The following FBXO42 variants were observed in gnomAD, a reference collection of about 807,000 sequenced individuals.
FBXO42 encodes F-box only protein 42.
In FBXO42, 12 loss-of-function variants were observed where a neutral mutation model predicts 71.7. The observed-to-expected ratio is 0.17, with a 90% CI of 0.11 to 0.27. The LOEUF (loss-of-function observed/expected upper bound fraction) is 0.27. FBXO42 is among the 10% of genes least tolerant of loss of function. The pLI, the probability that FBXO42 is intolerant of heterozygous loss-of-function variation, is 1.00. For missense variants in FBXO42, 707 were observed against 911.9 expected, an observed-to-expected ratio of 0.78 and a Z score of 2.89; for synonymous variants, 325 against 327.5, an observed-to-expected ratio of 0.99 and a Z score of 0.08.
chr1:16,313,715 T>C (rs1324304950), intron 2 of FBXO42, among the ~76,000 whole-genome samples: 1 of 152,164 alleles, frequency 6.6e-6, no homozygotes, highest in African/African-American at 2.4e-5. Flanking sequence ...TTAAAACTGA[T>C]TGATTTTGAT....
chr1:16,276,231 T>C (rs1327417343), intron 4 of FBXO42, among the ~76,000 whole-genome samples: 1 of 151,130 alleles, frequency 6.6e-6, no homozygotes, highest in Admixed American at 6.6e-5. Context: ...ATACAAAAAA[T>C]TAGCCGGGCA....
intron 1 of FBXO42, among the ~76,000 whole-genome samples, chr1:16,339,402 A>T (rs1002956521): frequency 2.6e-5 from 4 of 151,698 alleles, no homozygotes; most frequent in African/African-American, 9.7e-5. Flanking sequence ...AACCTCCGCC[A>T]CCTGGGTTCA....
chr1:16,306,032 T>TC (rs1246406680), intron 2 of FBXO42, 113 bp from the exon 3 acceptor site: 4 of 824,464 alleles, frequency 4.9e-6, no homozygotes, highest in Non-Finnish European at 7.7e-6. Flanking sequence ...CTTTTTTTTT[T>TC]CTTTTTTTGA....
At chr1:16,308,741 T>TG (rs1008452109) in intron 2 of FBXO42, among the ~76,000 whole-genome samples, 2 of 46,418 alleles carry the variant, frequency 4.3e-5, no homozygotes. Flanking sequence ...CCCATCTCTG[T>TG]TTTTTTTTTT....
At chr1:16,302,375 A>AGG (rs2082204244) in intron 3 of FBXO42, among the ~76,000 whole-genome samples, 2 of 152,194 alleles carry the variant, frequency 1.3e-5, no homozygotes, top group Admixed American at 6.6e-5. Flanking sequence ...TAATTTATAA[A>AGG]GGAAAGAGGT....
intron 1 of FBXO42, among the ~76,000 whole-genome samples, chr1:16,325,770 C>T (rs140430928): frequency 0.015 from 2,268 of 152,062 alleles, 32 homozygotes; most frequent in Middle Eastern, 0.051. Flanking sequence ...GGATTATAGG[C>T]ATGCGTCACC....
intron 3 of FBXO42, 150 bp downstream of exon 3, chr1:16,305,653 G>C: frequency 1.5e-6 from 1 of 670,298 alleles, no homozygotes. Flanking sequence ...GGTGGAGGCT[G>C]TAGTAAGCTG....
chr1:16,318,896 CT>C (rs1489015203), intron 1 of FBXO42, among the ~76,000 whole-genome samples: 2 of 152,226 alleles, frequency 1.3e-5, no homozygotes, highest in Non-Finnish European at 2.9e-5. Context: ...CGCTCAACCA[CT>C]GGCAGAAGGC....
Position 16,270,576 on chromosome 1 carries a change from C to T in FBXO42, c.503-13817G>A, listed in dbSNP as rs140222405. ...AGGCCAGGCCAGGTGCAGTGGCTCACGCCTGTAATCCCAGCACTTTGTGAG... is the reference window on the plus strand; with the variant it reads ...AGGCCAGGCCAGGTGCAGTGGCTCATGCCTGTAATCCCAGCACTTTGTGAG... On this transcript the variant is annotated intron_variant, in intron 4 of 9. Coordinates refer to ENST00000375592, the MANE Select transcript of FBXO42 (RefSeq NM_018994.3). Among the ~76,000 whole-genome samples, 1,359 of 148,250 alleles carry T rather than the reference C, an allele frequency of 9.2e-3. 22 individuals are homozygous for T. The highest frequency in any genetic ancestry group is 0.031 in the African/African-American group (1,235 of 40,072).
At chr1:16,305,967 A>G (rs1173493320) in intron 2 of FBXO42, 48 bp from the exon 3 acceptor site, 1 of 1,254,578 alleles carries the variant, frequency 8.0e-7, no homozygotes, top group Non-Finnish European at 1.2e-6. Flanking sequence ...TAACTTATCC[A>G]TCAAATTATT....
At chr1:16,262,002 G>A (rs1019820170) in intron 4 of FBXO42, among the ~76,000 whole-genome samples, 5 of 152,094 alleles carry the variant, frequency 3.3e-5, no homozygotes, top group African/African-American at 9.7e-5. Context: ...GTGAGCCACC[G>A]CGCCTGGCCC....
rs1557567723 is a variant in FBXO42, at chr1:16,252,334, T to C, written c.992A>G (p.Asn331Ser). ...PWAWQPLKVE[N>S]EEHGAPELWC... Reference sequence around the variant, plus strand: ...CAGTTCTGGGGCCCCATGCTCTTCATTTTCTACCTTGAGTGGCTGCCAGGC... The same window carrying C: ...CAGTTCTGGGGCCCCATGCTCTTCACTTTCTACCTTGAGTGGCTGCCAGGC... The change falls in exon 9 of 10, where the codon AAT (asparagine) becomes AGT (serine). Residue 331 changes from asparagine to serine, a missense_variant. Coordinates refer to ENST00000375592, the MANE Select transcript of FBXO42 (RefSeq NM_018994.3). The surrounding 1 kb of genome is among the most constrained non-coding windows in gnomAD (Gnocchi z 4.4). 6.2e-7 allele frequency: 1 copy of C among 1,614,218 alleles called. No individual in the cohort carries two copies. Among genetic ancestry groups the C allele is most frequent in the South Asian group, 1.1e-5 (1 of 91,082 alleles).
At chr1:16,328,463 G>C (rs1034018277) in intron 1 of FBXO42, among the ~76,000 whole-genome samples, 5 of 152,190 alleles carry the variant, frequency 3.3e-5, no homozygotes, top group African/African-American at 1.2e-4. Flanking sequence ...CAGATGGCTA[G>C]ACCAAATTTT....
chr1:16,295,590 A>C (rs1264496512), intron 3 of FBXO42, among the ~76,000 whole-genome samples: 1 of 151,950 alleles, frequency 6.6e-6, no homozygotes, highest in African/African-American at 2.4e-5. Flanking sequence ...ATGGAGTTTC[A>C]CCATGTTGGC....
chr1:16,316,336 T>C (rs1278516020), intron 1 of FBXO42, among the ~76,000 whole-genome samples: 1 of 152,144 alleles, frequency 6.6e-6, no homozygotes, highest in Non-Finnish European at 1.5e-5. Flanking sequence ...AATATCTCTT[T>C]TGTTACTGTT....
At chr1:16,253,987 T>C (rs1254717927) in intron 6 of FBXO42, among the ~76,000 whole-genome samples, 1 of 152,242 alleles carries the variant, frequency 6.6e-6, no homozygotes, top group Non-Finnish European at 1.5e-5. Flanking sequence ...ACTCTGACTT[T>C]ATCTCTAAAA....
Position 16,317,694 on chromosome 1 carries a change from C to T in FBXO42, c.-17-2259G>A, listed in dbSNP as rs146032144. 1.1e-3 allele frequency among the ~76,000 whole-genome samples: 168 copies of T among 151,868 alleles called. No individual in the cohort carries two copies. In the East Asian group the frequency reaches 0.031, roughly 28 times the overall value. On this transcript the variant is annotated intron_variant, in intron 1 of 9. Transcript: ENST00000375592. ...ATCCCAACACTTTAGTAAGCCAAAACAGGAGGATCATTTGAGGTCAGGAAT... is the reference window on the plus strand; with the variant it reads ...ATCCCAACACTTTAGTAAGCCAAAATAGGAGGATCATTTGAGGTCAGGAAT...
intron 4 of FBXO42, among the ~76,000 whole-genome samples, chr1:16,275,835 C>T (rs1445131720): frequency 6.6e-6 from 1 of 151,744 alleles, no homozygotes; most frequent in African/African-American, 2.4e-5. Flanking sequence ...ATGGCAAAAC[C>T]CCGTCTCTAC....
At chr1:16,305,656 G>C in intron 3 of FBXO42, 147 bp downstream of exon 3, 1 of 680,426 alleles carries the variant, frequency 1.5e-6, no homozygotes, top group Non-Finnish European at 2.6e-6. Flanking sequence ...GGAGGCTGTA[G>C]TAAGCTGTGA....
Sources: allele counts gnomAD v4.1 joint callset (sites outside exome capture counted in the v4.1 genomes callset), GRCh38; gene constraint gnomAD v4.1.1; non-coding constraint Gnocchi (gnomAD v3.1); transcripts MANE v1.5; gene names NCBI Gene and HGNC (gene_info 2026-07-23, HGNC 2026-07-21).